The following C3orf70 variants were observed in gnomAD, a reference collection of about 807,000 sequenced individuals.
The protein encoded by C3orf70 is UPF0524 protein C3orf70.
C3orf70 carries 15 observed loss-of-function variants against 20.7 expected under a neutral mutation model. That is an observed-to-expected ratio of 0.72 (90% CI 0.48 to 1.11). The LOEUF (loss-of-function observed/expected upper bound fraction) is 1.11. Among genes scored for constraint, C3orf70 ranks in the 50% most tolerant of loss-of-function variants. The probability of loss-of-function intolerance (pLI) is 0.00; values close to 1 mark genes in which losing one functional copy is unlikely to be tolerated. For synonymous variants in C3orf70, 161 were observed against 125.7 expected, an observed-to-expected ratio of 1.28 and a Z score of -1.88; for missense variants, 332 against 317.6, an observed-to-expected ratio of 1.05 and a Z score of -0.34.
chr3:185,087,242 G>GA (rs1192695657), intron 1 of C3orf70, among the ~76,000 whole-genome samples: 1 of 152,156 alleles, frequency 6.6e-6, no homozygotes, highest in Non-Finnish European at 1.5e-5. Context: ...GCTCTAAAAG[G>GA]AAAAGATACT....
chr3:185,126,441 G>A (rs1350521169), intron 1 of C3orf70, among the ~76,000 whole-genome samples: 1 of 152,152 alleles, frequency 6.6e-6, no homozygotes, highest in Non-Finnish European at 1.5e-5. Flanking sequence ...TGACAAAACA[G>A]ATATAGAACA....
intron 1 of C3orf70, among the ~76,000 whole-genome samples, chr3:185,092,655 T>C (rs1418089941): frequency 2.0e-5 from 3 of 151,900 alleles, no homozygotes; most frequent in Admixed American, 1.3e-4. Context: ...CCAATAAAAG[T>C]GATAGGCAAA....
intron 1 of C3orf70, among the ~76,000 whole-genome samples, chr3:185,091,881 A>C (rs1233440174): frequency 8.6e-6 from 1 of 115,900 alleles, no homozygotes; most frequent in Admixed American, 9.0e-5. Context: ...TATATATATA[A>C]TATATATACA....
At chr3:185,143,965 G>A (rs4687092) in intron 1 of C3orf70, among the ~76,000 whole-genome samples, 143,489 of 151,966 alleles carry the variant, frequency 0.94, 67,768 homozygotes, top group Non-Finnish European at 0.95. Flanking sequence ...GGAGCAAAAT[G>A]TAAGATTCTA....
intron 1 of C3orf70, among the ~76,000 whole-genome samples, chr3:185,144,718 T>G (rs1716820549): frequency 2.0e-5 from 1 of 49,210 alleles, no homozygotes; most frequent in Admixed American, 1.6e-4. Flanking sequence ...GTGATCCGCC[T>G]GCCTTGGCTC....
chr3:185,142,660 G>GT (rs1286422588), intron 1 of C3orf70, among the ~76,000 whole-genome samples: 8 of 152,012 alleles, frequency 5.3e-5, no homozygotes, highest in Admixed American at 5.2e-4. Flanking sequence ...CAGCATCAAA[G>GT]TATCACCCCA....
chr3:185,144,061 T>TA (rs1026951698), intron 1 of C3orf70, among the ~76,000 whole-genome samples: 11 of 151,540 alleles, frequency 7.3e-5, no homozygotes, highest in African/African-American at 1.5e-4. Flanking sequence ...ATGAGAATAA[T>TA]AAAAAAAATC....
In C3orf70 at chr3:185,091,880, A is replaced by ATATG. The variant is rs1553919517; in HGVS notation, c.197-8318_197-8317insCATA. Among the ~76,000 whole-genome samples, 7 of 123,978 alleles carry ATATG rather than the reference A, an allele frequency of 5.6e-5. 1 individual carries two copies. The highest frequency in any genetic ancestry group is 2.2e-4 in the African/African-American group (7 of 31,894). 81.3% of individuals were successfully genotyped at this position (123,978 alleles called of 152,430 possible). A position where few individuals can be genotyped will look rare whatever the true frequency, so the allele number is the denominator to read the frequency against. On this transcript the variant is annotated intron_variant, in intron 1 of 1. Transcript: ENST00000335012. ...TGTATTATATTATATATATATATAT[A>ATATG]ATATATATACACACATACACACACA...
chr3:185,121,376 A>C (rs577709542), intron 1 of C3orf70, among the ~76,000 whole-genome samples: 98 of 151,698 alleles, frequency 6.5e-4, no homozygotes, highest in African/African-American at 2.1e-3. Context: ...AAAAAAAAAG[A>C]AGCATGATTC....
At chr3:185,110,548 C>G (rs189344180) in intron 1 of C3orf70, among the ~76,000 whole-genome samples, 5 of 143,470 alleles carry the variant, frequency 3.5e-5, no homozygotes, top group Non-Finnish European at 7.4e-5. Context: ...TAGGAGCAGG[C>G]CCCCCCTCAA....
At chr3:185,116,605 A>C (rs1378767095) in intron 1 of C3orf70, among the ~76,000 whole-genome samples, 4 of 152,178 alleles carry the variant, frequency 2.6e-5, no homozygotes, top group South Asian at 2.1e-4. Flanking sequence ...AGGCATTACC[A>C]AATGTCCCCT....
intron 1 of C3orf70, among the ~76,000 whole-genome samples, chr3:185,121,798 T>C (rs920057444): frequency 6.6e-6 from 1 of 151,904 alleles, no homozygotes; most frequent in African/African-American, 2.4e-5. Context: ...AAGAAATAAA[T>C]TGGTTAAAAG....
At position 185,125,106 on chromosome 3, in the gene C3orf70, G is replaced by A. The variant is rs181648426; in HGVS notation, c.196+27522C>T. ...ACTTTGAAAAACAGTTTGGCCGGGCGCAGTGGCTCACGCCTGCAATCCCAG... is the reference window on the plus strand; with the variant it reads ...ACTTTGAAAAACAGTTTGGCCGGGCACAGTGGCTCACGCCTGCAATCCCAG... On this transcript the variant is annotated intron_variant, in intron 1 of 1. Transcript: ENST00000335012. 2.6e-3 allele frequency among the ~76,000 whole-genome samples: 395 copies of A among 152,210 alleles called. 1 individual carries two copies. Among genetic ancestry groups the A allele is most frequent in the African/African-American group, 9.1e-3 (377 of 41,556 alleles).
chr3:185,111,589 T>C (rs1180020135), intron 1 of C3orf70, among the ~76,000 whole-genome samples: 2 of 152,180 alleles, frequency 1.3e-5, no homozygotes, highest in Non-Finnish European at 2.9e-5. Flanking sequence ...TTGGCAAGAC[T>C]GTGGAGAACT....
At chr3:185,148,792 A>C (rs1716926169) in intron 1 of C3orf70, among the ~76,000 whole-genome samples, 2 of 152,232 alleles carry the variant, frequency 1.3e-5, no homozygotes, top group African/African-American at 4.8e-5. Flanking sequence ...CCCAGGCAAC[A>C]TCCTCAAAAA....
At position 185,077,403 on chromosome 3, in the gene C3orf70, C is replaced by G. The variant is rs1340157379; in HGVS notation, c.*5604G>C. Among the ~76,000 whole-genome samples, 1 of 152,138 alleles carries G rather than the reference C, an allele frequency of 6.6e-6. No homozygotes were observed. The highest frequency in any genetic ancestry group is 2.1e-4 in the South Asian group (1 of 4,824). ...AGATGTGGACTTCTTGAGCTCTTTT[C>G]CTGATCTGTGAAATGGGGCTGCTTT... On this transcript the variant is annotated 3_prime_UTR_variant, in exon 2 of 2. Transcript: ENST00000335012.
chr3:185,090,072 C>T (rs1715533426), intron 1 of C3orf70, among the ~76,000 whole-genome samples: 1 of 151,718 alleles, frequency 6.6e-6, no homozygotes, highest in African/African-American at 2.4e-5. Context: ...TAGACTCAGC[C>T]TTGAGACAAC....
chr3:185,085,885 C>T (rs1715449039), intron 1 of C3orf70, among the ~76,000 whole-genome samples: 1 of 152,172 alleles, frequency 6.6e-6, no homozygotes, highest in Admixed American at 6.5e-5. Flanking sequence ...ACTCTTCTGT[C>T]CACAGAGTGG....
rs1418384320 is a variant in C3orf70, at chr3:185,080,906, A to G, written c.*2101T>C. The G allele has an allele frequency of 1.3e-5, 2 of 152,186 alleles. No homozygotes were observed. The highest frequency in any genetic ancestry group is 2.9e-5 in the Non-Finnish European group (2 of 68,030). The allele number at this position is 152,186 out of a possible 1,614,324, so 9.4% of individuals were successfully genotyped here. A position where few individuals can be genotyped will look rare whatever the true frequency, so the allele number is the denominator to read the frequency against. On this transcript the variant is annotated 3_prime_UTR_variant, in exon 2 of 2. Coordinates refer to ENST00000335012, the MANE Select transcript of C3orf70 (RefSeq NM_001025266.3). ...TCAGTAAGTGGAGACTTTATGCCGC[A>G]TTCTCATTTAGCATAGAAAGTTTTA...
Sources: gnomAD v4.1 joint callset for allele counts (sites outside exome capture counted in the v4.1 genomes callset) on GRCh38, gnomAD v4.1.1 for gene constraint, MANE v1.5 for transcripts, NCBI Gene and HGNC (gene_info 2026-07-23, HGNC 2026-07-21) for gene names.